Variants in PTPRD observed in about 807,000 individuals in gnomAD.
The protein encoded by PTPRD is receptor-type tyrosine-protein phosphatase delta.
A neutral mutation model predicts 214.5 loss-of-function variants in PTPRD; 34 were observed. That is an observed-to-expected ratio of 0.16 (90% CI 0.12 to 0.21). The LOEUF (loss-of-function observed/expected upper bound fraction) is 0.21. Ranked by LOEUF, PTPRD falls within the 10% of genes least tolerant of loss-of-function variation. The pLI is 1.00. For missense variants in PTPRD, 2,545 were observed against 2,398.7 expected (o/e 1.06, Z -1.27); for synonymous variants, 1,128 against 845.7 (o/e 1.33, Z -5.79).
At chr9:8,520,240 C>T (rs1342970083) in intron 20 of PTPRD, among the ~76,000 whole-genome samples, 1 of 152,022 alleles carries the variant, frequency 6.6e-6, no homozygotes, top group Non-Finnish European at 1.5e-5. Context: ...TACATGTGTG[C>T]TTATTATATT....
intron 2 of PTPRD, among the ~76,000 whole-genome samples, chr9:10,543,334 T>C (rs1418800670): frequency 6.6e-6 from 1 of 152,152 alleles, no homozygotes; most frequent in Non-Finnish European, 1.5e-5. Flanking sequence ...GACACCTTTA[T>C]AACAATCTAA....
At chr9:9,163,706 C>G (rs2099895424) in intron 10 of PTPRD, among the ~76,000 whole-genome samples, 1 of 152,126 alleles carries the variant, frequency 6.6e-6, no homozygotes, top group South Asian at 2.1e-4. Context: ...AACCTCTAAC[C>G]ATTTAATAAC....
intron 14 of PTPRD, among the ~76,000 whole-genome samples, chr9:8,533,727 C>T (rs961986982): frequency 6.6e-6 from 1 of 151,968 alleles, no homozygotes; most frequent in Non-Finnish European, 1.5e-5. Flanking sequence ...TACAAGCTCA[C>T]AGGAGGGCAG....
chr9:10,432,325 T>A (rs2098688009), intron 2 of PTPRD, among the ~76,000 whole-genome samples: 1 of 148,348 alleles, frequency 6.7e-6, no homozygotes, highest in Non-Finnish European at 1.5e-5. Context: ...TTGGGAGATA[T>A]ACCTAATGCT....
intron 11 of PTPRD, among the ~76,000 whole-genome samples, chr9:8,908,507 A>C (rs890031737): frequency 6.6e-6 from 1 of 152,136 alleles, no homozygotes; most frequent in East Asian, 1.9e-4. Context: ...GGGGTAAAGA[A>C]GAAATTTAAA....
At chr9:8,665,461 C>T (rs538611996) in intron 12 of PTPRD, among the ~76,000 whole-genome samples, 3 of 152,282 alleles carry the variant, frequency 2.0e-5, no homozygotes, top group Admixed American at 2.0e-4. Context: ...TTTCCATGAG[C>T]TGATCCTTTG....
intron 3 of PTPRD, among the ~76,000 whole-genome samples, chr9:10,306,304 T>C (rs1453614159): frequency 6.6e-6 from 1 of 151,772 alleles, no homozygotes; most frequent in Admixed American, 6.6e-5. Context: ...GGGATAGCAT[T>C]AGGAGAAACA....
chr9:8,660,648 T>C (rs1206968397), intron 12 of PTPRD, among the ~76,000 whole-genome samples: 2 of 152,120 alleles, frequency 1.3e-5, no homozygotes, highest in African/African-American at 4.8e-5. Flanking sequence ...AACCACAAAC[T>C]AAACTGGACT....
At chr9:9,820,407 G>A (rs2050302090) in intron 5 of PTPRD, among the ~76,000 whole-genome samples, 3 of 152,046 alleles carry the variant, frequency 2.0e-5, no homozygotes, top group East Asian at 3.9e-4. Context: ...TGCATGGGTT[G>A]TAAACATTTT....
At chr9:8,428,480 C>T (rs1360629577) in intron 35 of PTPRD, among the ~76,000 whole-genome samples, 8 of 152,090 alleles carry the variant, frequency 5.3e-5, no homozygotes, top group Non-Finnish European at 1.0e-4. Context: ...AATCTTTTAT[C>T]TCTTGTGACT....
At chr9:9,606,003 A>T (rs1327255431) in intron 7 of PTPRD, among the ~76,000 whole-genome samples, 2 of 152,010 alleles carry the variant, frequency 1.3e-5, no homozygotes, top group African/African-American at 4.8e-5. Context: ...TATTATATTA[A>T]CATCTCTTGA....
At chr9:8,902,861 T>A (rs1402927407) in intron 11 of PTPRD, among the ~76,000 whole-genome samples, 4 of 152,174 alleles carry the variant, frequency 2.6e-5, no homozygotes, top group African/African-American at 7.2e-5. Context: ...CATTCGAAGG[T>A]AATCATAATT....
At chr9:9,257,546 C>T (rs1002448361) in intron 9 of PTPRD, among the ~76,000 whole-genome samples, 3 of 151,946 alleles carry the variant, frequency 2.0e-5, no homozygotes, top group Admixed American at 6.6e-5. Flanking sequence ...GATTCCAGCA[C>T]TTTGGAAAGC....
At chr9:10,089,041 T>C (rs2098396647) in intron 3 of PTPRD, among the ~76,000 whole-genome samples, 1 of 151,378 alleles carries the variant, frequency 6.6e-6, no homozygotes, top group African/African-American at 2.4e-5. Flanking sequence ...AGACCCCATC[T>C]CTATAAAGAT....
intron 4 of PTPRD, among the ~76,000 whole-genome samples, chr9:9,953,605 T>C: frequency 6.6e-6 from 1 of 152,012 alleles, no homozygotes; most frequent in East Asian, 1.9e-4. Context: ...AAACAACACG[T>C]CATGTAGGAT....
intron 10 of PTPRD, among the ~76,000 whole-genome samples, chr9:9,028,335 C>T (rs1323455673): frequency 6.6e-6 from 1 of 151,950 alleles, no homozygotes; most frequent in African/African-American, 2.4e-5. Flanking sequence ...CTCACCACTC[C>T]ATATATAAAT....
intron 8 of PTPRD, among the ~76,000 whole-genome samples, chr9:9,437,925 C>G (rs2085974136): frequency 2.0e-5 from 3 of 152,316 alleles, no homozygotes; most frequent in South Asian, 2.1e-4. Context: ...AATTCATTGT[C>G]TCACAGTTCT....
intron 9 of PTPRD, among the ~76,000 whole-genome samples, chr9:9,333,504 T>C (rs4079914): frequency 8.7e-5 from 12 of 137,252 alleles, no homozygotes; most frequent in Admixed American, 8.7e-4. Context: ...ATATAGTATA[T>C]TATATATATA....
At chr9:8,545,633 A>G (rs1056595345) in intron 14 of PTPRD, among the ~76,000 whole-genome samples, 1 of 152,166 alleles carries the variant, frequency 6.6e-6, no homozygotes, top group African/African-American at 2.4e-5. Flanking sequence ...AATATTCTGA[A>G]GTGTTTGACT....
Sources: allele counts gnomAD v4.1 joint callset (sites outside exome capture counted in the v4.1 genomes callset), GRCh38; gene constraint gnomAD v4.1.1; transcripts MANE v1.5; gene names NCBI Gene and HGNC (gene_info 2026-07-23, HGNC 2026-07-21).